Variants in NOP53 observed in about 807,000 individuals in gnomAD.
NOP53 encodes the protein ribosome biogenesis protein NOP53.
A neutral mutation model predicts 61.0 loss-of-function variants in NOP53; 40 were observed. The ratio of observed to expected loss-of-function variants is 0.66; its 90% CI spans 0.51 to 0.85. The LOEUF (loss-of-function observed/expected upper bound fraction) is 0.85, where lower values mean the gene tolerates loss of function less well. Ranked by LOEUF, NOP53 falls within the 40% of genes least tolerant of loss-of-function variation. The pLI, the probability that NOP53 is intolerant of heterozygous loss-of-function variation, is 0.00. For missense variants in NOP53, 689 were observed against 652.9 expected (o/e 1.06, Z -0.60); for synonymous variants, 308 against 289.5 (o/e 1.06, Z -0.65).
rs982455672 is a variant in NOP53, at chr19:47,745,760, G to C, written c.201G>C (p.Val67=). The change falls in exon 1 of 13, where the codon GTG becomes GTC. Residue 67 remains valine (V), a synonymous_variant. Coordinates refer to ENST00000246802, the MANE Select transcript of NOP53 (RefSeq NM_015710.5). ...GLEVDQFLED[V]RLQERTSGGL... ...AGGTTGACCAGTTCCTGGAAGACGT[G>C]CGGCTACAGGAGCGCACGAGCGGGT... The C allele has an allele frequency of 3.2e-6, 5 of 1,581,592 alleles. No individual in the cohort carries two copies. In the African/African-American group the frequency reaches 5.4e-5, roughly 17 times the overall value.
chr19:47,751,391 C>G, intron 4 of NOP53, 129 bp from the exon 5 acceptor site: 1 of 735,276 alleles, frequency 1.4e-6, no homozygotes, highest in Non-Finnish European at 2.4e-6. Flanking sequence ...CCCTTGGGGT[C>G]TAGAATCAGT....
chr19:47,749,641 A>T (rs982709655), intron 2 of NOP53, among the ~76,000 whole-genome samples: 1 of 151,916 alleles, frequency 6.6e-6, no homozygotes, highest in African/African-American at 2.4e-5. Context: ...AAAGACAGTA[A>T]AAACCAGAGA....
At chr19:47,748,563 C>T (rs1422031761) in intron 2 of NOP53, among the ~76,000 whole-genome samples, 1 of 151,876 alleles carries the variant, frequency 6.6e-6, no homozygotes, top group Non-Finnish European at 1.5e-5. Context: ...AAGGAGCTGC[C>T]CTGAGGTACA....
intron 4 of NOP53, 62 bp from the exon 5 acceptor site, chr19:47,751,458 G>A: frequency 7.9e-7 from 1 of 1,273,230 alleles, no homozygotes; most frequent in African/African-American, 1.5e-5. Context: ...GATTGGGGGG[G>A]AGCCTTTGGT....
Position 47,754,296 on chromosome 19 carries a change from G to A in NOP53, c.766-231G>A, listed in dbSNP as rs762594993. 5 of 533,348 alleles carry A rather than the reference G, an allele frequency of 9.4e-6. No individual in the cohort carries two copies. The highest frequency in any genetic ancestry group is 2.7e-5 in the South Asian group (1 of 37,438). 33.0% of individuals were successfully genotyped at this position (533,348 alleles called of 1,614,324 possible). On this transcript the variant is annotated intron_variant, in intron 6 of 12. Coordinates refer to ENST00000246802, the MANE Select transcript of NOP53 (RefSeq NM_015710.5). This position sits in a 1 kb window ranked among gnomAD's most constrained non-coding sequence, Gnocchi z 4.2. ...CTATCTCAAAAAAAAAATGTGAAGC[G>A]TGCAGGTCAGACTGCCTTCACAGAC...
rs1457163001 is a variant in NOP53 at position 47,756,269 on chromosome 19, C to T, written c.1297-259C>T. On this transcript the variant is annotated intron_variant, in intron 10 of 12. Transcript: ENST00000246802. ...CTTCTCCCTCTGATCCAGCCTTTGC[C>T]CTCGCTGTCCCCTTTTCTGTGTCGT... 3 of 568,952 alleles carry T rather than the reference C, an allele frequency of 5.3e-6. No homozygotes were observed. The African/African-American group carries it at 5.6e-5, about 11-fold the overall frequency. The allele number at this position is 568,952 out of a possible 1,614,324, so 35.2% of individuals were successfully genotyped here.
rs1273829626 is a variant in NOP53, at chr19:47,757,048, C to T, written c.*43C>T. On this transcript the variant is annotated 3_prime_UTR_variant, in exon 13 of 13. Coordinates refer to ENST00000246802, the MANE Select transcript of NOP53 (RefSeq NM_015710.5). ...AGACTCGCCCTTCAATAAAAAATCT[C>T]TTCTAGCTGATCAGTGGGCTCCACG... 6.2e-7 allele frequency: 1 copy of T among 1,610,190 alleles called. No individual in the cohort carries two copies. The highest frequency in any genetic ancestry group is 1.7e-5 in the Admixed American group (1 of 60,034).
Position 47,751,174 on chromosome 19 carries a change from C to T in NOP53, c.598+67C>T, listed in dbSNP as rs1599916447. 8 of 1,389,260 alleles carry T rather than the reference C, an allele frequency of 5.8e-6. No individual in the cohort carries two copies. The East Asian group carries it at 1.7e-4, about 29-fold the overall frequency. 86.1% of individuals were successfully genotyped at this position (1,389,260 alleles called of 1,614,324 possible). On this transcript the variant is annotated intron_variant, in intron 4 of 12. Coordinates refer to ENST00000246802, the MANE Select transcript of NOP53 (RefSeq NM_015710.5). The stretch of plus-strand genomic sequence containing the variant: ...CCATGTGCAGTTTGTGTGTGTTGTG[C>T]ACTGCACGAGAGTACAGTGTGAAAG...
chr19:47,755,555 C>T (rs565702635), intron 9 of NOP53, 32 bp downstream of exon 9: 5 of 1,459,746 alleles, frequency 3.4e-6, no homozygotes, highest in Non-Finnish European at 4.5e-6. Context: ...CTGGGAGAGG[C>T]TGGGGAGGGG....
At chr19:47,746,854 GA>G in intron 1 of NOP53, 112 bp from the exon 2 acceptor site, 1 of 839,582 alleles carries the variant, frequency 1.2e-6, no homozygotes. Context: ...CCTTAGCCTG[GA>G]AGAGTCCGGT....
chr19:47,751,305 G>A (rs1967122327), intron 4 of NOP53, 198 bp downstream of exon 4: 1 of 653,042 alleles, frequency 1.5e-6, no homozygotes, highest in African/African-American at 1.8e-5. Flanking sequence ...TGAGGCTTCA[G>A]GAAAGGAAGC....
intron 4 of NOP53, 164 bp downstream of exon 4, chr19:47,751,271 T>G: frequency 1.4e-6 from 1 of 703,814 alleles, no homozygotes; most frequent in East Asian, 2.7e-5. Context: ...CGTTTCCCAC[T>G]CGTGCTTTTC....
In NOP53 at chr19:47,754,671, C is replaced by G; in HGVS notation, c.871-38C>G. 6.5e-7 allele frequency: 1 copy of G among 1,542,412 alleles called. No individual in the cohort carries two copies. Among genetic ancestry groups the G allele is most frequent in the Non-Finnish European group, 8.8e-7 (1 of 1,141,726 alleles). ...TGCCCACTCCCTCCCCTCCCCGGGCCTCCTACCCACCCCTGACACTGCACC... is the reference window on the plus strand; with the variant it reads ...TGCCCACTCCCTCCCCTCCCCGGGCGTCCTACCCACCCCTGACACTGCACC... On this transcript the variant is annotated intron_variant, in intron 7 of 12. Coordinates refer to ENST00000246802, the MANE Select transcript of NOP53 (RefSeq NM_015710.5). The surrounding 1 kb of genome is among the most constrained non-coding windows in gnomAD (Gnocchi z 4.2).
At position 47,755,375 on chromosome 19, in the gene NOP53, G is replaced by A. The variant is rs1434796894; in HGVS notation, c.1081G>A (p.Ala361Thr). 100 of 1,521,108 alleles carry A rather than the reference G, an allele frequency of 6.6e-5. No individual in the cohort carries two copies. Among genetic ancestry groups the A allele is most frequent in the Non-Finnish European group, 8.3e-5 (95 of 1,140,468 alleles). 94.2% of individuals were successfully genotyped at this position (1,521,108 alleles called of 1,614,324 possible). A position where few individuals can be genotyped will look rare whatever the true frequency, so the allele number is the denominator to read the frequency against. ...LRVQQAALRA[A>T]RLRHQELFRL... is the part of the protein sequence containing the mutation. Reference sequence around the variant, plus strand: ...GGTACAGCAGGCCGCGTTGCGGGCCGCCCGGCTCCGGCACCAGGAGCTGTT... The same window carrying A: ...GGTACAGCAGGCCGCGTTGCGGGCCACCCGGCTCCGGCACCAGGAGCTGTT... Residue 361 changes from alanine to threonine, a missense_variant, in exon 9 of 13, where the codon GCC becomes ACC. By Grantham distance (58) the Ala-to-Thr change is moderately conservative. Transcript: ENST00000246802.
Position 47,754,867 on chromosome 19 carries a change from G to A in NOP53, c.1029G>A (p.Arg343=). 1.3e-6 allele frequency: 2 copies of A among 1,525,418 alleles called. No individual in the cohort carries two copies. The highest frequency in any genetic ancestry group is 1.4e-5 in the African/African-American group (1 of 71,798). The allele number at this position is 1,525,418 out of a possible 1,614,324, so 94.5% of individuals were successfully genotyped here. ...TTEKKTEQQR[R]REKAVHRLRV... ...AGAAGAAGACGGAGCAGCAGCGGCG[G>A]CGGGAGAAGGCTGTGCACAGGCTGG... Residue 343 remains arginine (R), a synonymous_variant, in exon 8 of 13, where the codon CGG becomes CGA. Transcript: ENST00000246802. The surrounding 1 kb of genome is among the most constrained non-coding windows in gnomAD (Gnocchi z 4.2).
intron 2 of NOP53, among the ~76,000 whole-genome samples, chr19:47,749,790 A>G (rs1013821206): frequency 7.9e-5 from 12 of 151,772 alleles, no homozygotes; most frequent in Admixed American, 6.6e-4. Flanking sequence ...TATGTTGCTC[A>G]GGCTGGCATC....
In NOP53 at chr19:47,755,333, C is replaced by T. The variant is rs373648632; in HGVS notation, c.1054-15C>T. The T allele has an allele frequency of 4.7e-6, 7 of 1,477,122 alleles. No individual in the cohort carries two copies. The highest frequency in any genetic ancestry group is 2.7e-5 in the East Asian group (1 of 37,126). The allele number at this position is 1,477,122 out of a possible 1,614,324, so 91.5% of individuals were successfully genotyped here. A position where few individuals can be genotyped will look rare whatever the true frequency, so the allele number is the denominator to read the frequency against. On this transcript the variant is annotated splice_polypyrimidine_tract_variant and intron_variant, in intron 8 of 12. Transcript: ENST00000246802. ...CAGCACCGGCCTGAGCCCTGACCCT[C>T]CCCCGTCTCCACAGCGGGTACAGCA...
intron 10 of NOP53, 129 bp from the exon 11 acceptor site, chr19:47,756,399 G>C (rs1196964256): frequency 1.8e-5 from 12 of 667,550 alleles, no homozygotes; most frequent in Non-Finnish European, 3.1e-5. Flanking sequence ...GCCAGGCTGA[G>C]TCCCTGGTGC....
At chr19:47,755,643 C>T (rs1216049177) in intron 9 of NOP53, 113 bp from the exon 10 acceptor site, 6 of 1,317,358 alleles carry the variant, frequency 4.6e-6, no homozygotes, top group Middle Eastern at 2.6e-4. Flanking sequence ...CCACCTCTTC[C>T]CCCACAAAAC....
Sources: gnomAD v4.1 joint callset for allele counts (sites outside exome capture counted in the v4.1 genomes callset) on GRCh38, gnomAD v4.1.1 for gene constraint, Gnocchi (gnomAD v3.1) non-coding constraint, MANE v1.5 for transcripts, NCBI Gene and HGNC (gene_info 2026-07-23, HGNC 2026-07-21) for gene names.